Variants in KCNMB2 observed in about 807,000 individuals in gnomAD.
KCNMB2 encodes potassium calcium-activated channel subfamily M regulatory beta subunit 2.
A neutral mutation model predicts 24.5 loss-of-function variants in KCNMB2; 9 were observed. The ratio of observed to expected loss-of-function variants is 0.37; its 90% CI spans 0.22 to 0.64. KCNMB2 has a LOEUF of 0.64. Among genes scored for constraint, KCNMB2 ranks in the 30% least tolerant of loss-of-function variants. KCNMB2 has a pLI of 0.63. For missense variants in KCNMB2, 226 were observed against 284.3 expected, an observed-to-expected ratio of 0.79 and a Z score of 1.47; for synonymous variants, 109 against 104.4, an observed-to-expected ratio of 1.04 and a Z score of -0.27.
intron 1 of KCNMB2, among the ~76,000 whole-genome samples, chr3:178,697,909 A>T (rs1214591289): frequency 7.3e-6 from 1 of 136,432 alleles, no homozygotes; most frequent in African/African-American, 2.8e-5. Context: ...TTTTTTTTTT[A>T]AGAATGTTGA....
chr3:178,567,973 C>T (rs1412203150), intron 1 of KCNMB2, among the ~76,000 whole-genome samples: 1 of 152,122 alleles, frequency 6.6e-6, no homozygotes. Flanking sequence ...ACAGGGTCCA[C>T]CACATGGAAT....
intron 1 of KCNMB2, among the ~76,000 whole-genome samples, chr3:178,681,286 T>C (rs1264867519): frequency 6.6e-6 from 1 of 152,224 alleles, no homozygotes; most frequent in African/African-American, 2.4e-5. Context: ...ATACCAACTT[T>C]ACAGGATTGT....
At chr3:178,756,699 C>T (rs75406609) in intron 1 of KCNMB2, among the ~76,000 whole-genome samples, 23,129 of 151,992 alleles carry the variant, frequency 0.15, 1,959 homozygotes, top group Admixed American at 0.19. Flanking sequence ...TCAGGCACTA[C>T]TGATGCTACT....
chr3:178,569,275 C>G (rs1031827010), intron 1 of KCNMB2, among the ~76,000 whole-genome samples: 2 of 151,984 alleles, frequency 1.3e-5, no homozygotes, highest in South Asian at 2.1e-4. Flanking sequence ...GTGAAGAGAC[C>G]CTGCTTAAAT....
At chr3:178,760,420 AT>A (rs1711791263) in intron 1 of KCNMB2, among the ~76,000 whole-genome samples, 1 of 141,494 alleles carries the variant, frequency 7.1e-6, no homozygotes, top group Middle Eastern at 3.6e-3. Flanking sequence ...TATTATATAT[AT>A]ATCCATATCC....
chr3:178,733,476 A>T (rs1302797231), intron 1 of KCNMB2, among the ~76,000 whole-genome samples: 1 of 151,750 alleles, frequency 6.6e-6, no homozygotes, highest in Non-Finnish European at 1.5e-5. Flanking sequence ...AATTTATTTT[A>T]TTTATTTATT....
intron 1 of KCNMB2, among the ~76,000 whole-genome samples, chr3:178,752,891 C>A (rs1307081910): frequency 1.3e-5 from 2 of 152,176 alleles, no homozygotes; most frequent in Non-Finnish European, 2.9e-5. Flanking sequence ...AATGCATAGT[C>A]TTTTGGGGAA....
intron 1 of KCNMB2, among the ~76,000 whole-genome samples, chr3:178,732,857 G>T (rs1158372019): frequency 4.6e-5 from 7 of 152,166 alleles, no homozygotes; most frequent in Non-Finnish European, 8.8e-5. Flanking sequence ...GTTCACAGTG[G>T]ATTTATGGAA....
Position 178,599,955 on chromosome 3 carries a change from A to G in KCNMB2, c.-68+63244A>G, listed in dbSNP as rs143286641. Among the ~76,000 whole-genome samples, 199 of 152,198 alleles carry G rather than the reference A, an allele frequency of 1.3e-3. 1 individual carries two copies. The highest frequency in any genetic ancestry group is 4.5e-3 in the African/African-American group (187 of 41,512). ...TCAAGTGGCATGATCTTGGCTCACT[A>G]CAATCTCCACTTCCTGGGTTTAAAC... On this transcript the variant is annotated intron_variant, in intron 1 of 4. Coordinates refer to ENST00000452583, the MANE Select transcript of KCNMB2 (RefSeq NM_181361.3).
intron 1 of KCNMB2, among the ~76,000 whole-genome samples, chr3:178,762,064 G>C (rs192635537): frequency 1.6e-4 from 25 of 152,124 alleles, no homozygotes; most frequent in Admixed American, 4.6e-4. Context: ...CCAGCTACTC[G>C]GGAGGCTGAG....
chr3:178,811,593 C>A (rs1359236698), intron 2 of KCNMB2, among the ~76,000 whole-genome samples: 1 of 152,186 alleles, frequency 6.6e-6, no homozygotes, highest in African/African-American at 2.4e-5. Flanking sequence ...GAACATACTA[C>A]CATTTATTCA....
chr3:178,751,560 C>G (rs940717441), intron 1 of KCNMB2, among the ~76,000 whole-genome samples: 1 of 108,678 alleles, frequency 9.2e-6, no homozygotes, highest in Non-Finnish European at 1.7e-5. Context: ...AGCAACAGTG[C>G]GAGACTCCGT....
intron 1 of KCNMB2, among the ~76,000 whole-genome samples, chr3:178,589,174 C>T (rs942367528): frequency 2.6e-5 from 4 of 152,194 alleles, no homozygotes; most frequent in East Asian, 1.9e-4. Flanking sequence ...TTTACCCCAG[C>T]GTTCTAACAG....
chr3:178,811,448 C>T (rs1260115949), intron 2 of KCNMB2, among the ~76,000 whole-genome samples: 1 of 151,994 alleles, frequency 6.6e-6, no homozygotes, highest in Non-Finnish European at 1.5e-5. Context: ...TGTTTGGAGA[C>T]TTCATGTAAA....
chr3:178,629,968 T>G (rs1254063093), intron 1 of KCNMB2, among the ~76,000 whole-genome samples: 1 of 152,202 alleles, frequency 6.6e-6, no homozygotes, highest in Non-Finnish European at 1.5e-5. Context: ...TTTAATGTAC[T>G]GCCAATGTTA....
intron 1 of KCNMB2, among the ~76,000 whole-genome samples, chr3:178,764,178 A>G (rs1361603554): frequency 6.6e-6 from 1 of 152,198 alleles, no homozygotes; most frequent in Non-Finnish European, 1.5e-5. Context: ...AACTTCGCAC[A>G]TTTTGATCTT....
At chr3:178,570,905 C>T (rs143901917) in intron 1 of KCNMB2, among the ~76,000 whole-genome samples, 8 of 152,216 alleles carry the variant, frequency 5.3e-5, no homozygotes, top group African/African-American at 1.9e-4. Flanking sequence ...TCATAGGATG[C>T]AACCATTCAA....
At chr3:178,637,894 T>A (rs1440208337) in intron 1 of KCNMB2, among the ~76,000 whole-genome samples, 1 of 152,202 alleles carries the variant, frequency 6.6e-6, no homozygotes, top group Non-Finnish European at 1.5e-5. Flanking sequence ...ATGATTTCAG[T>A]ATTTCTGTCA....
At chr3:178,837,581 G>T (rs1715279960) in intron 4 of KCNMB2, among the ~76,000 whole-genome samples, 2 of 152,184 alleles carry the variant, frequency 1.3e-5, no homozygotes, top group Non-Finnish European at 2.9e-5. Context: ...TATGTATGTT[G>T]AAAAATGACA....
Sources: allele counts gnomAD v4.1 joint callset (sites outside exome capture counted in the v4.1 genomes callset), GRCh38; gene constraint gnomAD v4.1.1; transcripts MANE v1.5; gene names NCBI Gene and HGNC (gene_info 2026-07-23, HGNC 2026-07-21).